Variants in WWOX observed in about 807,000 individuals in gnomAD.
The protein encoded by WWOX is WW domain containing oxidoreductase.
In WWOX, 69 loss-of-function variants were observed where a neutral mutation model predicts 46.2. That is an observed-to-expected ratio of 1.49 (90% CI 1.23 to 1.82). WWOX has a LOEUF of 1.82. Ranked by LOEUF, WWOX falls within the 40% of genes most tolerant of loss-of-function variation. WWOX has a pLI of 0.00. For synonymous variants in WWOX, 359 were observed against 202.6 expected, an observed-to-expected ratio of 1.77 and a Z score of -6.56; for missense variants, 919 against 542.6, an observed-to-expected ratio of 1.69 and a Z score of -6.89.
intron 5 of WWOX, among the ~76,000 whole-genome samples, chr16:78,353,411 G>A (rs1326085709): frequency 6.6e-6 from 1 of 152,186 alleles, no homozygotes; most frequent in Non-Finnish European, 1.5e-5. Flanking sequence ...TGTAAGCCAA[G>A]AGAAAGACAG....
chr16:78,826,612 T>G (rs888322568), intron 8 of WWOX, among the ~76,000 whole-genome samples: 2 of 152,220 alleles, frequency 1.3e-5, no homozygotes, highest in Admixed American at 1.3e-4. Flanking sequence ...AGACACTTGT[T>G]TTTGGATTTA....
At chr16:79,121,923 C>T (rs1475354621) in intron 8 of WWOX, among the ~76,000 whole-genome samples, 2 of 151,994 alleles carry the variant, frequency 1.3e-5, no homozygotes, top group East Asian at 3.9e-4. Flanking sequence ...AGCCCCCAGC[C>T]CCAGTAACCC....
At position 78,912,934 on chromosome 16, in the gene WWOX, C is replaced by A. The variant is rs998441544; in HGVS notation, c.1057-298674C>A. The stretch of plus-strand genomic sequence containing the variant: ...CAAGAGATCAGAGCAAGAGAAACCT[C>A]GAAGGGTCGAACGGTCCATTCTGAG... On this transcript the variant is annotated intron_variant, in intron 8 of 8. Transcript: ENST00000566780. Among the ~76,000 whole-genome samples the A allele has an allele frequency of 2.0e-5, 3 of 151,950 alleles. No homozygotes were observed. In the East Asian group the frequency reaches 5.8e-4, roughly 29 times the overall value.
intron 8 of WWOX, among the ~76,000 whole-genome samples, chr16:79,048,571 C>T (rs1283604756): frequency 1.3e-5 from 2 of 152,126 alleles, no homozygotes; most frequent in African/African-American, 4.8e-5. Context: ...CACAGTGGGC[C>T]ATCCTAACCT....
At chr16:78,531,444 G>C (rs1384782939) in intron 8 of WWOX, among the ~76,000 whole-genome samples, 1 of 152,156 alleles carries the variant, frequency 6.6e-6, no homozygotes, top group Non-Finnish European at 1.5e-5. Context: ...TATTATTGTT[G>C]CTCTCTAATA....
At chr16:78,373,150 C>G (rs1276231530) in intron 5 of WWOX, among the ~76,000 whole-genome samples, 2 of 152,120 alleles carry the variant, frequency 1.3e-5, no homozygotes, top group Admixed American at 6.5e-5. Context: ...CAGCGTGGAG[C>G]AGCCAGCACA....
At chr16:78,300,303 C>T (rs955506305) in intron 5 of WWOX, among the ~76,000 whole-genome samples, 81 of 152,154 alleles carry the variant, frequency 5.3e-4, no homozygotes, top group African/African-American at 1.6e-3. Context: ...GTCATATTGT[C>T]ATCCGTATCT....
At chr16:78,181,178 G>A (rs1311467299) in intron 5 of WWOX, among the ~76,000 whole-genome samples, 1 of 152,080 alleles carries the variant, frequency 6.6e-6, no homozygotes, top group Non-Finnish European at 1.5e-5. Flanking sequence ...GAGACACGGA[G>A]GAGGGACAGA....
intron 8 of WWOX, chr16:79,017,560 C>G (rs547458435): frequency 6.7e-6 from 1 of 150,354 alleles, no homozygotes; most frequent in African/African-American, 2.4e-5. Flanking sequence ...GGCCCTATGA[C>G]GTCTGTCACA....
At chr16:79,018,904 A>G (rs935240797) in intron 8 of WWOX, among the ~76,000 whole-genome samples, 1 of 152,032 alleles carries the variant, frequency 6.6e-6, no homozygotes, top group Non-Finnish European at 1.5e-5. Flanking sequence ...TAATCCCAAC[A>G]CTTTGGGAGG....
At chr16:78,224,950 G>A (rs1374472608) in intron 5 of WWOX, among the ~76,000 whole-genome samples, 2 of 152,010 alleles carry the variant, frequency 1.3e-5, no homozygotes, top group East Asian at 3.8e-4. Context: ...GTGTCTTTAC[G>A]TTTGTGAATG....
At chr16:78,555,311 T>C (rs1054109911) in intron 8 of WWOX, among the ~76,000 whole-genome samples, 1 of 152,190 alleles carries the variant, frequency 6.6e-6, no homozygotes, top group Non-Finnish European at 1.5e-5. Context: ...AAGGTACTCT[T>C]TTTTATTCTA....
At chr16:78,459,016 C>G (rs1379091579) in intron 8 of WWOX, among the ~76,000 whole-genome samples, 2 of 152,142 alleles carry the variant, frequency 1.3e-5, no homozygotes, top group Non-Finnish European at 2.9e-5. Context: ...TAATTACAAC[C>G]TAGAGGGATT....
intron 8 of WWOX, among the ~76,000 whole-genome samples, chr16:78,872,185 C>A (rs1382853095): frequency 6.6e-6 from 1 of 152,164 alleles, no homozygotes; most frequent in Admixed American, 6.5e-5. Context: ...AACAGTGCAA[C>A]CCATAGAACC....
At chr16:78,220,003 T>C (rs2036839408) in intron 5 of WWOX, among the ~76,000 whole-genome samples, 1 of 152,240 alleles carries the variant, frequency 6.6e-6, no homozygotes, top group South Asian at 2.1e-4. Flanking sequence ...TCATTACCAG[T>C]ATAATTATTC....
intron 8 of WWOX, among the ~76,000 whole-genome samples, chr16:79,180,617 C>A (rs1347855884): frequency 1.3e-5 from 2 of 152,108 alleles, no homozygotes; most frequent in Non-Finnish European, 2.9e-5. Flanking sequence ...GTCAGTCATT[C>A]ATTCAATTGC....
chr16:79,005,786 C>T (rs2047178602), intron 8 of WWOX, among the ~76,000 whole-genome samples: 1 of 152,166 alleles, frequency 6.6e-6, no homozygotes, highest in African/African-American at 2.4e-5. Context: ...TTCTGAGGCC[C>T]TGGGTGGACA....
chr16:79,060,107 T>C, intron 8 of WWOX, among the ~76,000 whole-genome samples: 1 of 152,186 alleles, frequency 6.6e-6, no homozygotes, highest in East Asian at 1.9e-4. Context: ...TAATCCATTG[T>C]TGTTTCTGTG....
chr16:78,985,943 G>C (rs2046776367), intron 8 of WWOX, among the ~76,000 whole-genome samples: 2 of 152,204 alleles, frequency 1.3e-5, no homozygotes, highest in Admixed American at 6.5e-5. Context: ...GCCGAGAAAT[G>C]CAGATGCTGT....
Sources: gnomAD v4.1 joint callset for allele counts (sites outside exome capture counted in the v4.1 genomes callset) on GRCh38, gnomAD v4.1.1 for gene constraint, MANE v1.5 for transcripts, NCBI Gene and HGNC (gene_info 2026-07-23, HGNC 2026-07-21) for gene names.